Variants in HMSD observed in about 807,000 individuals in gnomAD.
The protein encoded by HMSD is serpin-like protein HMSD.
A neutral mutation model predicts 10.0 loss-of-function variants in HMSD; 13 were observed. The observed-to-expected ratio is 1.31, with a 90% CI of 0.85 to 2.08. HMSD has a LOEUF of 2.08. HMSD is among the 30% of genes most tolerant of loss of function. HMSD has a pLI of 0.00. For synonymous variants in HMSD, 51 were observed against 54.2 expected (o/e 0.94, Z 0.26); for missense variants, 169 against 166.3 (o/e 1.02, Z -0.09).
At chr18:63,962,238 T>C (rs948065783), downstream of HMSD, among the ~76,000 whole-genome samples, 1 of 152,144 alleles carries the variant, frequency 6.6e-6, no homozygotes, top group African/African-American at 2.4e-5. Context: ...AGCAACGAGG[T>C]AGAATGTGGA....
At chr18:63,964,897 A>G (rs188142914), downstream of HMSD, among the ~76,000 whole-genome samples, 2 of 152,268 alleles carry the variant, frequency 1.3e-5, no homozygotes, top group Admixed American at 1.3e-4. Context: ...GTCTTTTCCT[A>G]AGTCCTTAGT....
intron 1 of HMSD, among the ~76,000 whole-genome samples, chr18:63,950,634 A>G (rs763697704): frequency 2.0e-5 from 3 of 151,828 alleles, no homozygotes; most frequent in African/African-American, 4.8e-5. Flanking sequence ...CAACTTGTGG[A>G]TAGAACTCTG....
chr18:63,969,180 C>T (rs943798446), intron 3 of HMSD: 8 of 152,260 alleles, frequency 5.3e-5, no homozygotes, highest in East Asian at 1.9e-4. Context: ...TTTGCTATGG[C>T]TCTAAAGAAA....
At chr18:63,952,035 A>T (rs2050333229) in intron 1 of HMSD, among the ~76,000 whole-genome samples, 1 of 150,880 alleles carries the variant, frequency 6.6e-6, no homozygotes, top group Non-Finnish European at 1.5e-5. Flanking sequence ...AAACTATCGC[A>T]AGAACAAAAA....
chr18:63,951,690 C>T (rs118068153), intron 1 of HMSD, among the ~76,000 whole-genome samples: 1 of 152,242 alleles, frequency 6.6e-6, no homozygotes, highest in Non-Finnish European at 1.5e-5. Context: ...GCAGCGAATA[C>T]TATTTAGTTG....
At chr18:63,956,623 G>A (rs529946783) in intron 3 of HMSD, among the ~76,000 whole-genome samples, 206 of 152,110 alleles carry the variant, frequency 1.4e-3, no homozygotes, top group Non-Finnish European at 2.8e-3. Context: ...ACTTCCATGC[G>A]GCTGGTGGGA....
chr18:63,965,596 T>C (rs560094504), downstream of HMSD, among the ~76,000 whole-genome samples: 2 of 152,330 alleles, frequency 1.3e-5, no homozygotes, highest in African/African-American at 4.8e-5. Context: ...GTAATGCTTT[T>C]CACATTAAGG....
chr18:63,963,103 T>TTTCTTTC (rs1568261324), downstream of HMSD, among the ~76,000 whole-genome samples: 3 of 135,092 alleles, frequency 2.2e-5, no homozygotes, highest in African/African-American at 9.7e-5. Flanking sequence ...CTTTCTTTCT[T>TTTCTTTC]TCTTTCTTTC....
At chr18:63,955,905 C>T (rs1172429423) in intron 3 of HMSD, among the ~76,000 whole-genome samples, 1 of 152,164 alleles carries the variant, frequency 6.6e-6, no homozygotes, top group African/African-American at 2.4e-5. Context: ...TCCACAGGGA[C>T]CTATGCAAGA....
chr18:63,964,238 G>A (rs1480350500), downstream of HMSD, among the ~76,000 whole-genome samples: 2 of 152,184 alleles, frequency 1.3e-5, no homozygotes, highest in Admixed American at 6.5e-5. Context: ...AAATACCATA[G>A]GCTGGGTGTG....
chr18:63,954,266 T>C (rs2050345870), intron 2 of HMSD, 142 bp from the exon 3 acceptor site: 6 of 643,536 alleles, frequency 9.3e-6, no homozygotes, highest in Non-Finnish European at 2.6e-6. Context: ...TTTGAGACAC[T>C]CTCTATCTTT....
At chr18:63,964,234 C>T (rs2050401503), downstream of HMSD, among the ~76,000 whole-genome samples, 1 of 152,050 alleles carries the variant, frequency 6.6e-6, no homozygotes, top group Non-Finnish European at 1.5e-5. Context: ...AATAAAATAC[C>T]ATAGGCTGGG....
chr18:63,958,225 ATCT>A (rs1420632953), intron 3 of HMSD, among the ~76,000 whole-genome samples: 1 of 152,198 alleles, frequency 6.6e-6, no homozygotes, highest in Admixed American at 6.5e-5. Context: ...CTTCACAGTT[ATCT>A]TGTGAGGTGT....
downstream of HMSD, among the ~76,000 whole-genome samples, chr18:63,962,657 G>T (rs1448696045): frequency 6.6e-6 from 1 of 152,160 alleles, no homozygotes; most frequent in Non-Finnish European, 1.5e-5. Context: ...CAATAAGTGG[G>T]AACTCTAAGG....
chr18:63,954,340 T>C, intron 2 of HMSD, 68 bp from the exon 3 acceptor site: 1 of 1,077,700 alleles, frequency 9.3e-7, no homozygotes, highest in Non-Finnish European at 1.4e-6. Flanking sequence ...CTGAGTTTAC[T>C]GTTGTGCCTA....
At chr18:63,966,826 T>C (rs2050411797), downstream of HMSD, 1 of 152,256 alleles carries the variant, frequency 6.6e-6, no homozygotes, top group Admixed American at 6.5e-5. Context: ...TTCATGGGAC[T>C]CTGGGCAAAT....
At chr18:63,963,207 C>CCTTCCTTCCTTCCTTCCTTG (rs531824799), downstream of HMSD, among the ~76,000 whole-genome samples, 2 of 130,562 alleles carry the variant, frequency 1.5e-5, no homozygotes, top group Admixed American at 7.9e-5. Context: ...TTCCTTGCTT[C>CCTTCCTTCCTTCCTTCCTTG]CTTCCTTCCT....
chr18:63,964,077 C>T (rs2050400861), downstream of HMSD, among the ~76,000 whole-genome samples: 2 of 152,238 alleles, frequency 1.3e-5, no homozygotes, highest in South Asian at 2.1e-4. Flanking sequence ...CCAGCAAGGA[C>T]ATATGGCTTC....
At chr18:63,955,914 G>C (rs144817485) in intron 3 of HMSD, among the ~76,000 whole-genome samples, 212 of 152,328 alleles carry the variant, frequency 1.4e-3, no homozygotes, top group African/African-American at 4.2e-3. Context: ...ACCTATGCAA[G>C]ATTGGGAATG....
Sources: allele counts gnomAD v4.1 joint callset (sites outside exome capture counted in the v4.1 genomes callset), GRCh38; gene constraint gnomAD v4.1.1; transcripts MANE v1.5; gene names NCBI Gene and HGNC (gene_info 2026-07-23, HGNC 2026-07-21).